The following ARHGEF28 variants were observed in gnomAD, a reference collection of about 807,000 sequenced individuals.
ARHGEF28 encodes the protein 190 kDa guanine nucleotide exchange factor.
Under a neutral mutation model 206.6 loss-of-function variants are expected in ARHGEF28, and 152 were observed. The ratio of observed to expected loss-of-function variants is 0.74; its 90% CI spans 0.64 to 0.84. The LOEUF (loss-of-function observed/expected upper bound fraction) is 0.84. Ranked by LOEUF, ARHGEF28 falls within the 40% of genes least tolerant of loss-of-function variation. The probability of loss-of-function intolerance (pLI) is 0.00; values close to 1 mark genes in which losing one functional copy is unlikely to be tolerated. For missense variants in ARHGEF28, 2,028 were observed against 2,073.2 expected, an observed-to-expected ratio of 0.98 and a Z score of 0.42; for synonymous variants, 763 against 776.4, an observed-to-expected ratio of 0.98 and a Z score of 0.29.
At chr5:73,906,122 C>G (rs1164936522) in intron 33 of ARHGEF28, among the ~76,000 whole-genome samples, 2 of 152,218 alleles carry the variant, frequency 1.3e-5, no homozygotes, top group East Asian at 1.9e-4. Context: ...TATTCTTGCT[C>G]TAGGACCAAC....
Position 73,804,292 on chromosome 5 carries a change from C to T in ARHGEF28, c.1024+8901C>T, listed in dbSNP as rs190389769. ...TTCACTCTTGAGATCTTATTAACCCCATGGAGACACTGTTTTTTTTCCTGT... is the reference window on the plus strand; with the variant it reads ...TTCACTCTTGAGATCTTATTAACCCTATGGAGACACTGTTTTTTTTCCTGT... On this transcript the variant is annotated intron_variant, in intron 9 of 35. Coordinates refer to ENST00000513042, the MANE Select transcript of ARHGEF28 (RefSeq NM_001177693.2). Among the ~76,000 whole-genome samples the T allele has an allele frequency of 9.2e-5, 14 of 152,162 alleles. No homozygotes were observed. The East Asian group carries it at 2.7e-3, about 29-fold the overall frequency.
intron 1 of ARHGEF28, among the ~76,000 whole-genome samples, chr5:73,653,127 C>T (rs1160716644): frequency 6.6e-6 from 1 of 152,196 alleles, no homozygotes; most frequent in Non-Finnish European, 1.5e-5. Flanking sequence ...CAGCGCCACA[C>T]ATCCAGTTAG....
intron 1 of ARHGEF28, among the ~76,000 whole-genome samples, chr5:73,677,122 G>C (rs1348977656): frequency 1.3e-5 from 2 of 152,204 alleles, no homozygotes; most frequent in Non-Finnish European, 2.9e-5. Context: ...TGCCAGCATT[G>C]AGTGGAGTGG....
chr5:73,673,071 C>T (rs1448365509), intron 1 of ARHGEF28, among the ~76,000 whole-genome samples: 2 of 152,186 alleles, frequency 1.3e-5, no homozygotes, highest in African/African-American at 4.8e-5. Flanking sequence ...GCAGCTTAGA[C>T]CTGCATAACT....
intron 16 of ARHGEF28, among the ~76,000 whole-genome samples, chr5:73,859,297 C>G (rs1462093235): frequency 6.6e-6 from 1 of 152,144 alleles, no homozygotes; most frequent in Admixed American, 6.5e-5. Flanking sequence ...TAGTGAGGCG[C>G]AGGCAGGTGG....
Position 73,717,259 on chromosome 5 carries a change from A to G in ARHGEF28, c.33+32375A>G, listed in dbSNP as rs1749638543. ...TATGCTGGCTTTGTTCCCATTGTAG[A>G]CTCAAGCCTGAGGCCTATTTGCCCC... On this transcript the variant is annotated intron_variant, in intron 2 of 35. Coordinates refer to ENST00000513042, the MANE Select transcript of ARHGEF28 (RefSeq NM_001177693.2). 2.0e-5 allele frequency among the ~76,000 whole-genome samples: 3 copies of G among 151,888 alleles called. No individual in the cohort carries two copies. In the South Asian group the frequency reaches 6.2e-4, roughly 32 times the overall value.
intron 12 of ARHGEF28, among the ~76,000 whole-genome samples, chr5:73,848,723 G>A (rs918034814): frequency 4.6e-5 from 7 of 152,030 alleles, no homozygotes; most frequent in African/African-American, 1.7e-4. Flanking sequence ...AGCCAAGTTG[G>A]CTAGGATATC....
intron 11 of ARHGEF28, among the ~76,000 whole-genome samples, chr5:73,844,185 C>A (rs570673181): frequency 2.0e-5 from 3 of 152,038 alleles, no homozygotes; most frequent in Non-Finnish European, 4.4e-5. Flanking sequence ...TTATAGTATG[C>A]AAAATAAAAT....
At chr5:73,923,079 G>C in intron 35 of ARHGEF28, 1 of 1,535,066 alleles carries the variant, frequency 6.5e-7, no homozygotes, top group Middle Eastern at 1.7e-4. Context: ...GCCATATTTT[G>C]CATTCAGGCT....
chr5:73,759,519 A>G (rs986987346), intron 4 of ARHGEF28, among the ~76,000 whole-genome samples: 6 of 152,218 alleles, frequency 3.9e-5, no homozygotes, highest in African/African-American at 1.2e-4. Flanking sequence ...TAATGGAAAG[A>G]AAAGGAAAAG....
rs1044267140 is a variant in ARHGEF28 at position 73,776,433 on chromosome 5, T to C, written c.660-83T>C. On this transcript the variant is annotated intron_variant, in intron 5 of 35. Coordinates refer to ENST00000513042, the MANE Select transcript of ARHGEF28 (RefSeq NM_001177693.2). ...CATTTTGCCAGTTGGATTTGTAAGA[T>C]CAGGGGCAGTGATCCTAAGGGCTGG... 2.3e-6 allele frequency: 3 copies of C among 1,283,812 alleles called. No individual in the cohort carries two copies. In the Admixed American group the frequency reaches 7.0e-5, roughly 30 times the overall value. The allele number at this position is 1,283,812 out of a possible 1,614,324, so 79.5% of individuals were successfully genotyped here. A position where few individuals can be genotyped will look rare whatever the true frequency, so the allele number is the denominator to read the frequency against.
chr5:73,913,190 G>A (rs1284113487), intron 35 of ARHGEF28, among the ~76,000 whole-genome samples: 1 of 152,194 alleles, frequency 6.6e-6, no homozygotes, highest in Non-Finnish European at 1.5e-5. Context: ...GTCCAGAGTA[G>A]GCCAAGGACG....
chr5:73,890,338 C>T (rs1382595476), intron 26 of ARHGEF28, among the ~76,000 whole-genome samples: 2 of 152,224 alleles, frequency 1.3e-5, no homozygotes, highest in Non-Finnish European at 2.9e-5. Context: ...ACCTACTCTG[C>T]CTTTTTACAT....
At chr5:73,918,360 A>G (rs528746788) in intron 35 of ARHGEF28, among the ~76,000 whole-genome samples, 1 of 152,060 alleles carries the variant, frequency 6.6e-6, no homozygotes, top group Non-Finnish European at 1.5e-5. Flanking sequence ...TGCCTACCCC[A>G]GAGGCTGGTT....
At chr5:73,776,724 A>T (rs1753567696) in intron 6 of ARHGEF28, 28 bp downstream of exon 6, 2 of 1,565,394 alleles carry the variant, frequency 1.3e-6, no homozygotes, top group African/African-American at 1.4e-5. Flanking sequence ...CTAGCATGTG[A>T]TAATGCATGC....
At position 73,760,625 on chromosome 5, in the gene ARHGEF28, G is replaced by T. The variant is rs556801750; in HGVS notation, c.475+7423G>T. Among the ~76,000 whole-genome samples the T allele has an allele frequency of 3.2e-4, 48 of 152,170 alleles. No individual in the cohort carries two copies. The South Asian group carries it at 9.8e-3, about 31-fold the overall frequency. On this transcript the variant is annotated intron_variant, in intron 4 of 35. Transcript: ENST00000513042. Reference sequence around the variant, plus strand: ...CGATAAAATTGTTTTACAGTTCTCAGCTATATATATGTATATTATTTGTGA... The same window carrying T: ...CGATAAAATTGTTTTACAGTTCTCATCTATATATATGTATATTATTTGTGA...
intron 24 of ARHGEF28, among the ~76,000 whole-genome samples, chr5:73,884,131 C>A (rs1158070621): frequency 6.6e-6 from 1 of 152,128 alleles, no homozygotes; most frequent in African/African-American, 2.4e-5. Context: ...TTTGAACCTG[C>A]CTTTCTTCTC....
At position 73,780,707 on chromosome 5, in the gene ARHGEF28, G is replaced by A. The variant is rs866963852; in HGVS notation, c.872G>A (p.Arg291Lys). ...AFEPEARPEE[R>K]TAMPSSGAET... Reference sequence around the variant, plus strand: ...GAGCCAGAAGCCAGGCCAGAGGAAAGAACAGCTATGCCCTCCAGCGGTGCA... The same window carrying A: ...GAGCCAGAAGCCAGGCCAGAGGAAAAAACAGCTATGCCCTCCAGCGGTGCA... Residue 291 changes from arginine (R) to lysine (K), a missense_variant, in exon 7 of 36, where the codon AGA becomes AAA. Transcript: ENST00000513042. The A allele has an allele frequency of 5.8e-6, 9 of 1,558,280 alleles. No individual in the cohort carries two copies. The African/African-American group carries it at 1.1e-4, about 19-fold the overall frequency.
intron 6 of ARHGEF28, among the ~76,000 whole-genome samples, chr5:73,779,967 TTA>T (rs1753742166): frequency 6.6e-6 from 1 of 152,194 alleles, no homozygotes; most frequent in Non-Finnish European, 1.5e-5. Context: ...CCTATGTCAG[TTA>T]TGTGATTACC....
Sources: gnomAD v4.1 joint callset for allele counts (sites outside exome capture counted in the v4.1 genomes callset) on GRCh38, gnomAD v4.1.1 for gene constraint, MANE v1.5 for transcripts, NCBI Gene and HGNC (gene_info 2026-07-23, HGNC 2026-07-21) for gene names.